Variants in C3orf70 observed in about 807,000 individuals in gnomAD.
The protein encoded by C3orf70 is chromosome 3 open reading frame 70.
In C3orf70, 15 loss-of-function variants were observed where a neutral mutation model predicts 20.7. The ratio of observed to expected loss-of-function variants is 0.72; its 90% CI spans 0.48 to 1.11. The LOEUF (loss-of-function observed/expected upper bound fraction) is 1.11. Among genes scored for constraint, C3orf70 ranks in the 50% most tolerant of loss-of-function variants. The pLI, the probability that C3orf70 is intolerant of heterozygous loss-of-function variation, is 0.00. For missense variants in C3orf70, 332 were observed against 317.6 expected (o/e 1.05, Z -0.34); for synonymous variants, 161 against 125.7 (o/e 1.28, Z -1.88).
chr3:185,098,011 A>G (rs1379328475), intron 1 of C3orf70, among the ~76,000 whole-genome samples: 1 of 152,174 alleles, frequency 6.6e-6, no homozygotes, highest in African/African-American at 2.4e-5. Flanking sequence ...TCCATGCATG[A>G]TGGGGTTTTT....
chr3:185,084,252 A>G (rs951573816), intron 1 of C3orf70, among the ~76,000 whole-genome samples: 2 of 152,180 alleles, frequency 1.3e-5, no homozygotes, highest in Admixed American at 1.3e-4. Context: ...GTTTATCTCT[A>G]ATAATGTTTG....
intron 1 of C3orf70, among the ~76,000 whole-genome samples, chr3:185,118,484 G>A (rs1163506843): frequency 6.6e-6 from 1 of 152,062 alleles, no homozygotes; most frequent in Admixed American, 6.6e-5. Context: ...ATACCTTGTT[G>A]GTAGCACAGT....
intron 1 of C3orf70, among the ~76,000 whole-genome samples, chr3:185,084,838 G>C (rs987435311): frequency 6.6e-6 from 1 of 152,152 alleles, no homozygotes; most frequent in Non-Finnish European, 1.5e-5. Context: ...GCAGGGATGG[G>C]GGCTCCTAAA....
Position 185,079,107 on chromosome 3 carries a change from C to T in C3orf70, c.*3900G>A, listed in dbSNP as rs966620280. The T allele has an allele frequency of 8.6e-5, 13 of 151,770 alleles. No homozygotes were observed. Among genetic ancestry groups the T allele is most frequent in the African/African-American group, 3.1e-4 (13 of 41,282 alleles). The allele number at this position is 151,770 out of a possible 1,614,324, so 9.4% of individuals were successfully genotyped here. On this transcript the variant is annotated 3_prime_UTR_variant, in exon 2 of 2. Transcript: ENST00000335012. The stretch of plus-strand genomic sequence containing the variant: ...CCATCCTGGCTAACACGGTGAAACC[C>T]CGTTTCTACTAAAAATACAAAAAAT...
At position 185,142,459 on chromosome 3, in the gene C3orf70, T is replaced by C. The variant is rs115033726; in HGVS notation, c.196+10169A>G. Among the ~76,000 whole-genome samples the C allele has an allele frequency of 7.3e-3, 1,116 of 152,216 alleles. 20 individuals are homozygous for C. Among genetic ancestry groups the C allele is most frequent in the African/African-American group, 0.026 (1,064 of 41,518 alleles). On this transcript the variant is annotated intron_variant, in intron 1 of 1. Transcript: ENST00000335012. Reference sequence around the variant, plus strand: ...AAACAAAGAATCAATTTGTCTACAGTAACATGAGGAAGATGGGGTACAGTT... The same window carrying C: ...AAACAAAGAATCAATTTGTCTACAGCAACATGAGGAAGATGGGGTACAGTT...
At chr3:185,140,240 A>G (rs1334476193) in intron 1 of C3orf70, among the ~76,000 whole-genome samples, 1 of 152,212 alleles carries the variant, frequency 6.6e-6, no homozygotes, top group Non-Finnish European at 1.5e-5. Flanking sequence ...CTAATCATGC[A>G]GTTTTTTGGC....
chr3:185,141,949 G>A (rs185673673), intron 1 of C3orf70, among the ~76,000 whole-genome samples: 3 of 151,938 alleles, frequency 2.0e-5, no homozygotes, highest in South Asian at 2.1e-4. Context: ...AAAGGAACTC[G>A]GTTTCCTTAG....
chr3:185,095,883 C>T (rs942470252), intron 1 of C3orf70, among the ~76,000 whole-genome samples: 5 of 151,958 alleles, frequency 3.3e-5, no homozygotes, highest in African/African-American at 9.7e-5. Flanking sequence ...ACTATAGGTG[C>T]GTGCCACCAC....
intron 1 of C3orf70, among the ~76,000 whole-genome samples, chr3:185,108,231 T>C (rs1279414468): frequency 6.6e-6 from 1 of 152,200 alleles, no homozygotes; most frequent in African/African-American, 2.4e-5. Context: ...GCTGAAAATG[T>C]TACAGATAGG....
Position 185,082,664 on chromosome 3 carries a change from C to G in C3orf70, c.*343G>C. The G allele has an allele frequency of 4.2e-6, 1 of 237,028 alleles. No homozygotes were observed. Among genetic ancestry groups the G allele is most frequent in the South Asian group, 8.3e-5 (1 of 11,998 alleles). 14.7% of individuals were successfully genotyped at this position (237,028 alleles called of 1,614,324 possible). A position where few individuals can be genotyped will look rare whatever the true frequency, so the allele number is the denominator to read the frequency against. ...ACTGGCTACCGAGAAAACACCGGCT[C>G]CTTCCCTTTCGGTACCTCCTCAATC... On this transcript the variant is annotated 3_prime_UTR_variant, in exon 2 of 2. Coordinates refer to ENST00000335012, the MANE Select transcript of C3orf70 (RefSeq NM_001025266.3).
At chr3:185,099,923 T>C (rs940414543) in intron 1 of C3orf70, among the ~76,000 whole-genome samples, 2 of 152,172 alleles carry the variant, frequency 1.3e-5, no homozygotes. Context: ...TAATTTCACA[T>C]AAAACACCCT....
chr3:185,138,445 T>TAAA (rs750146579), intron 1 of C3orf70, among the ~76,000 whole-genome samples: 1 of 128,092 alleles, frequency 7.8e-6, no homozygotes, highest in Non-Finnish European at 1.7e-5. Flanking sequence ...CAGACAGTAA[T>TAAA]AATAAAAAAA....
intron 1 of C3orf70, among the ~76,000 whole-genome samples, chr3:185,145,897 G>A (rs1381564502): frequency 6.6e-6 from 1 of 152,202 alleles, no homozygotes; most frequent in Non-Finnish European, 1.5e-5. Flanking sequence ...ATCCATCATT[G>A]AAGCACCAGC....
At chr3:185,138,269 A>G (rs570584702) in intron 1 of C3orf70, among the ~76,000 whole-genome samples, 112 of 152,220 alleles carry the variant, frequency 7.4e-4, no homozygotes, top group African/African-American at 2.6e-3. Flanking sequence ...AAACAACAAC[A>G]ACAAGAAAAA....
chr3:185,095,074 C>T (rs1460380070), intron 1 of C3orf70, among the ~76,000 whole-genome samples: 1 of 152,120 alleles, frequency 6.6e-6, no homozygotes, highest in Non-Finnish European at 1.5e-5. Context: ...GCATGGGTAC[C>T]ACTGCTTTTC....
chr3:185,080,660 G>A lies in C3orf70; in HGVS notation c.*2347C>T. ...ACTGCTGTGGCCTGACACACGGCTT[G>A]CAGGCATTTGGCTTCCACACCTGCC... is the stretch of plus-strand genomic sequence containing the variant. On this transcript the variant is annotated 3_prime_UTR_variant, in exon 2 of 2. Transcript: ENST00000335012. The A allele has an allele frequency of 6.6e-6, 1 of 152,410 alleles. No homozygotes were observed. The highest frequency in any genetic ancestry group is 1.5e-5 in the Non-Finnish European group (1 of 68,062). 9.4% of individuals were successfully genotyped at this position (152,410 alleles called of 1,614,324 possible). A position where few individuals can be genotyped will look rare whatever the true frequency, so the allele number is the denominator to read the frequency against.
At chr3:185,121,774 C>T (rs1716303102) in intron 1 of C3orf70, among the ~76,000 whole-genome samples, 1 of 152,108 alleles carries the variant, frequency 6.6e-6, no homozygotes, top group South Asian at 2.1e-4. Context: ...TACAAGAAAC[C>T]CTCTTTGAAA....
chr3:185,087,448 C>T (rs1715481704), intron 1 of C3orf70, among the ~76,000 whole-genome samples: 1 of 152,162 alleles, frequency 6.6e-6, no homozygotes, highest in African/African-American at 2.4e-5. Flanking sequence ...AACAGATAAA[C>T]AAGAGGTCAT....
chr3:185,123,089 A>G (rs1270653061), intron 1 of C3orf70, among the ~76,000 whole-genome samples: 2 of 149,582 alleles, frequency 1.3e-5, no homozygotes, highest in Non-Finnish European at 2.9e-5. Context: ...AAGGCAGGAG[A>G]ATCGCTTGAA....
Sources: allele counts gnomAD v4.1 joint callset (sites outside exome capture counted in the v4.1 genomes callset), GRCh38; gene constraint gnomAD v4.1.1; transcripts MANE v1.5; gene names NCBI Gene and HGNC (gene_info 2026-07-23, HGNC 2026-07-21).